Variants in MGAM2 observed in about 807,000 individuals in gnomAD.
MGAM2 encodes maltase-glucoamylase 2 (putative).
Under a neutral mutation model 96.1 loss-of-function variants are expected in MGAM2, and 98 were observed. The ratio of observed to expected loss-of-function variants is 1.02; its 90% CI spans 0.87 to 1.21. MGAM2 has a LOEUF of 1.21. Among genes scored for constraint, MGAM2 ranks in the 50% most tolerant of loss-of-function variants. The pLI is 0.00. For synonymous variants in MGAM2, 749 were observed against 414.8 expected, an observed-to-expected ratio of 1.81 and a Z score of -9.79; for missense variants, 2,055 against 1,182.4, an observed-to-expected ratio of 1.74 and a Z score of -10.82.
chr7:142,150,013 C>T (rs1795522371), intron 15 of MGAM2, among the ~76,000 whole-genome samples: 3 of 151,830 alleles, frequency 2.0e-5, no homozygotes, highest in Admixed American at 1.3e-4. Context: ...GCGATCTCAG[C>T]ACAATGAAAC....
At chr7:142,202,441 G>A (rs556178328) in intron 45 of MGAM2, among the ~76,000 whole-genome samples, 6 of 152,238 alleles carry the variant, frequency 3.9e-5, no homozygotes, top group Non-Finnish European at 8.8e-5. Context: ...TAACTAATGG[G>A]TAGTTTTTCA....
chr7:142,174,732 T>TTTTTTTTTTTTTTTTG (rs1796313655), intron 31 of MGAM2, among the ~76,000 whole-genome samples: 1 of 143,358 alleles, frequency 7.0e-6, no homozygotes, highest in Non-Finnish European at 1.5e-5. Flanking sequence ...TTTTTTTTTT[T>TTTTTTTTTTTTTTTTG]TGAGTTGGAG....
At chr7:142,138,481 A>G in intron 9 of MGAM2, 61 bp from the exon 10 acceptor site, 2 of 667,318 alleles carry the variant, frequency 3.0e-6, no homozygotes, top group Admixed American at 2.3e-5. Context: ...TGGGAACTTC[A>G]CAGAAAATGA....
rs1361246287 is a variant in MGAM2, at chr7:142,161,190, A to T, written c.2411A>T (p.Tyr804Phe). 14 of 702,702 alleles carry T rather than the reference A, an allele frequency of 2.0e-5. No homozygotes were observed. The highest frequency in any genetic ancestry group is 3.6e-5 in the Non-Finnish European group (14 of 384,770). 43.5% of individuals were successfully genotyped at this position (702,702 alleles called of 1,614,324 possible). Reference protein sequence around the residue: ...DYKREAKGELYWDDGVSKDAV... With the variant: ...DYKREAKGELFWDDGVSKDAV... Reference sequence around the variant, plus strand: ...AAGAGAGAAGCAAAGGGGGAGCTGTACTGGGATGACGGTGTATCTAAAGGT... The same window carrying T: ...AAGAGAGAAGCAAAGGGGGAGCTGTTCTGGGATGACGGTGTATCTAAAGGT... The change falls in exon 22 of 48, where the codon TAC (tyrosine) becomes TTC (phenylalanine). Residue 804 changes from tyrosine (Y) to phenylalanine (F), a missense_variant. Transcript: ENST00000477922.
At chr7:142,198,486 TCTTTAGGTTTG>T (rs1421259084) in intron 43 of MGAM2, 118 bp from the exon 44 acceptor site, 2 of 594,980 alleles carry the variant, frequency 3.4e-6, no homozygotes, top group African/African-American at 1.9e-5. Context: ...AGAGATTTTC[TCTTTAGGTTTG>T]CAGTCTTTTG....
chr7:142,117,547 C>T (rs1252734058), intron 2 of MGAM2, among the ~76,000 whole-genome samples: 1 of 152,110 alleles, frequency 6.6e-6, no homozygotes. Flanking sequence ...AATGTATTTT[C>T]AGTTAAAGCT....
intron 45 of MGAM2, among the ~76,000 whole-genome samples, chr7:142,207,000 A>T (rs1327274730): frequency 6.6e-6 from 1 of 152,252 alleles, no homozygotes; most frequent in African/African-American, 2.4e-5. Flanking sequence ...AAATTTTAAA[A>T]TATGAGTTGT....
chr7:142,164,121 C>T lies in MGAM2; in HGVS notation c.2485-735C>T, dbSNP rs973895913. ...CTTTGACCTGTGTATGTCCAGTTGC[C>T]CCAGCACCTTTGTTGAAAAAAATCT... is the stretch of plus-strand genomic sequence containing the variant. On this transcript the variant is annotated intron_variant, in intron 23 of 47. Transcript: ENST00000477922. Among the ~76,000 whole-genome samples the T allele has an allele frequency of 5.3e-5, 8 of 151,720 alleles. No homozygotes were observed. The South Asian group carries it at 8.3e-4, about 16-fold the overall frequency.
rs1199984503 is a variant in MGAM2 at position 142,186,130 on chromosome 7, G to A, written c.4122+7G>A. ...GTTTGATGGATTGTGGATTGTAAGT[G>A]CACCCTTGGTTGTCTTTTTTTTTTT... On this transcript the variant is annotated splice_region_variant and intron_variant, in intron 35 of 47. Coordinates refer to ENST00000477922, the MANE Select transcript of MGAM2 (RefSeq NM_001293626.2). 4.3e-6 allele frequency: 3 copies of A among 693,800 alleles called. No individual in the cohort carries two copies. Among genetic ancestry groups the A allele is most frequent in the Non-Finnish European group, 5.2e-6 (2 of 382,040 alleles). 43.0% of individuals were successfully genotyped at this position (693,800 alleles called of 1,614,324 possible).
At chr7:142,207,276 A>T (rs547826723) in intron 45 of MGAM2, among the ~76,000 whole-genome samples, 10 of 152,314 alleles carry the variant, frequency 6.6e-5, no homozygotes, top group South Asian at 6.2e-4. Context: ...TAGATTTTAT[A>T]TACTATGTCA....
chr7:142,191,739 A>G (rs956272861), intron 37 of MGAM2, among the ~76,000 whole-genome samples: 16 of 151,940 alleles, frequency 1.1e-4, no homozygotes, highest in African/African-American at 3.9e-4. Context: ...TCACTTTGTC[A>G]GTTTTGACAA....
intron 31 of MGAM2, 70 bp from the exon 32 acceptor site, chr7:142,175,582 C>A (rs1796348508): frequency 7.4e-6 from 5 of 673,908 alleles, no homozygotes; most frequent in Admixed American, 4.5e-5. Flanking sequence ...AGGGGCCTGG[C>A]AGAGCAGTTA....
At chr7:142,173,413 T>A in intron 31 of MGAM2, 59 bp downstream of exon 31, 1 of 693,172 alleles carries the variant, frequency 1.4e-6, no homozygotes, top group South Asian at 1.5e-5. Context: ...TGGCTAATTT[T>A]ATATTAGAAG....
intron 31 of MGAM2, among the ~76,000 whole-genome samples, chr7:142,174,386 T>C (rs1796296760): frequency 1.3e-5 from 2 of 152,166 alleles, no homozygotes; most frequent in Non-Finnish European, 2.9e-5. Context: ...GTAGAGATCT[T>C]TCACCTCCCT....
intron 3 of MGAM2, among the ~76,000 whole-genome samples, chr7:142,127,861 T>C (rs1174115126): frequency 6.6e-6 from 1 of 152,196 alleles, no homozygotes; most frequent in African/African-American, 2.4e-5. Flanking sequence ...GTTAGCAGCA[T>C]GAGAACTGAC....
Position 142,197,704 on chromosome 7 carries a change from C to T in MGAM2, c.4842C>T (p.Ile1614=), listed in dbSNP as rs1401484234. ...IDRQFMLGPA[I]LISPVLETST... ...GTCAGTTCATGTTGGGCCCTGCTAT[C>T]TTAATCAGCCCTGTGTTGGAAACTG... Residue 1614 remains isoleucine (I), a synonymous_variant, in exon 42 of 48, where the codon ATC becomes ATT. Coordinates refer to ENST00000477922, the MANE Select transcript of MGAM2 (RefSeq NM_001293626.2). 2 of 703,024 alleles carry T rather than the reference C, an allele frequency of 2.8e-6. No individual in the cohort carries two copies. Among genetic ancestry groups the T allele is most frequent in the South Asian group, 1.5e-5 (1 of 67,608 alleles). 43.5% of individuals were successfully genotyped at this position (703,024 alleles called of 1,614,324 possible).
intron 32 of MGAM2, among the ~76,000 whole-genome samples, chr7:142,176,714 T>C (rs1796390576): frequency 6.6e-6 from 1 of 152,202 alleles, no homozygotes; most frequent in Non-Finnish European, 1.5e-5. Flanking sequence ...AAGAAGTTTC[T>C]TGTTTTTGAG....
intron 46 of MGAM2, among the ~76,000 whole-genome samples, chr7:142,216,620 C>A (rs1161654946): frequency 1.3e-5 from 2 of 152,084 alleles, no homozygotes; most frequent in African/African-American, 2.4e-5. Context: ...ACCATCTTAA[C>A]CAATTTCAAG....
intron 1 of MGAM2, among the ~76,000 whole-genome samples, chr7:142,116,501 A>G (rs1473464869): frequency 6.6e-6 from 1 of 152,192 alleles, no homozygotes; most frequent in Non-Finnish European, 1.5e-5. Flanking sequence ...TGTCTACTAC[A>G]TTAGGTGGAT....
Sources: allele counts gnomAD v4.1 joint callset (sites outside exome capture counted in the v4.1 genomes callset), GRCh38; gene constraint gnomAD v4.1.1; transcripts MANE v1.5; gene names NCBI Gene and HGNC (gene_info 2026-07-23, HGNC 2026-07-21).